RELN: variants seen among roughly 807,000 people sequenced by gnomAD.
RELN encodes the protein reelin.
RELN carries 108 observed loss-of-function variants against 427.6 expected under a neutral mutation model. That is an observed-to-expected ratio of 0.25 (90% CI 0.22 to 0.30). RELN has a LOEUF of 0.30. Among genes scored for constraint, RELN ranks in the 10% least tolerant of loss-of-function variants. The pLI, the probability that RELN is intolerant of heterozygous loss-of-function variation, is 1.00. For missense variants in RELN, 3,715 were observed against 4,302.8 expected, an observed-to-expected ratio of 0.86 and a Z score of 3.82; for synonymous variants, 1,524 against 1,513.4, an observed-to-expected ratio of 1.01 and a Z score of -0.16.
At chr7:103,755,470 T>A (rs943092319) in intron 4 of RELN, among the ~76,000 whole-genome samples, 6 of 151,786 alleles carry the variant, frequency 4.0e-5, no homozygotes, top group Non-Finnish European at 8.8e-5. Flanking sequence ...TAGCCGGGCG[T>A]GGTGGCGGTC....
chr7:103,932,729 G>A (rs1486996116), intron 1 of RELN, among the ~76,000 whole-genome samples: 2 of 152,130 alleles, frequency 1.3e-5, no homozygotes, highest in African/African-American at 4.8e-5. Flanking sequence ...CTACCAAAGT[G>A]GGCAACTGAA....
chr7:103,796,875 C>CAAAAAAAAA (rs1310087423), intron 3 of RELN, among the ~76,000 whole-genome samples: 16 of 66,828 alleles, frequency 2.4e-4, no homozygotes, highest in South Asian at 6.7e-4. Flanking sequence ...CTCCATCTCA[C>CAAAAAAAAA]AAAAAAAAAA....
At chr7:103,905,292 T>C (rs1294570130) in intron 2 of RELN, among the ~76,000 whole-genome samples, 2 of 152,150 alleles carry the variant, frequency 1.3e-5, no homozygotes, top group Non-Finnish European at 2.9e-5. Context: ...ATTTTCTTAA[T>C]TCTATAGAAG....
At chr7:103,542,992 A>C in intron 42 of RELN, 114 bp from the exon 43 acceptor site, 3 of 1,081,816 alleles carry the variant, frequency 2.8e-6, no homozygotes, top group Non-Finnish European at 4.1e-6. Flanking sequence ...TGAAGTCATA[A>C]ATATTAAAGT....
At chr7:103,944,758 T>C (rs1796185116) in intron 1 of RELN, among the ~76,000 whole-genome samples, 1 of 152,138 alleles carries the variant, frequency 6.6e-6, no homozygotes, top group South Asian at 2.1e-4. Context: ...CTTCAGCCAC[T>C]CACCCCTGGT....
intron 64 of RELN, among the ~76,000 whole-genome samples, chr7:103,476,350 C>T (rs1031335772): frequency 1.6e-4 from 24 of 152,018 alleles, no homozygotes; most frequent in African/African-American, 4.3e-4. Flanking sequence ...CATGGTGGTA[C>T]GCGCCTGTAG....
At chr7:103,780,518 ATTAG>A (rs1296956208) in intron 3 of RELN, among the ~76,000 whole-genome samples, 1 of 152,132 alleles carries the variant, frequency 6.6e-6, no homozygotes, top group Non-Finnish European at 1.5e-5. Context: ...CCTAGTACAC[ATTAG>A]TTATTTTTCC....
chr7:103,659,997 C>T (rs980823905), intron 12 of RELN, among the ~76,000 whole-genome samples: 1 of 152,008 alleles, frequency 6.6e-6, no homozygotes, highest in Non-Finnish European at 1.5e-5. Context: ...CATAGTAATA[C>T]TGTTTTAATT....
chr7:103,915,811 T>C (rs1414392482), intron 2 of RELN, among the ~76,000 whole-genome samples: 1 of 152,212 alleles, frequency 6.6e-6, no homozygotes, highest in Non-Finnish European at 1.5e-5. Context: ...CTGACAACTC[T>C]ACTTATGAAT....
intron 1 of RELN, among the ~76,000 whole-genome samples, chr7:103,918,855 G>C (rs1004160052): frequency 1.3e-5 from 2 of 152,134 alleles, no homozygotes; most frequent in Admixed American, 6.6e-5. Context: ...GATCAATGCA[G>C]AGAGAAACTG....
chr7:103,496,003 C>T (rs946817694), intron 56 of RELN, 105 bp from the exon 57 acceptor site: 47 of 1,237,120 alleles, frequency 3.8e-5, no homozygotes, highest in Non-Finnish European at 4.0e-5. Flanking sequence ...TTGTTGAATT[C>T]CTTAAATTTT....
At chr7:103,492,157 T>G in intron 57 of RELN, 131 bp from the exon 58 acceptor site, 1 of 736,578 alleles carries the variant, frequency 1.4e-6, no homozygotes, top group Non-Finnish European at 2.4e-6. Flanking sequence ...AGCAGCCTGC[T>G]GGGATACCAA....
intron 22 of RELN, among the ~76,000 whole-genome samples, chr7:103,606,983 A>C (rs1401877550): frequency 6.6e-6 from 1 of 151,578 alleles, no homozygotes; most frequent in African/African-American, 2.4e-5. Context: ...TTCCAGTTTC[A>C]TCCATGTCCC....
chr7:103,700,971 T>C lies in RELN; in HGVS notation c.841A>G (p.Ser281Gly). The change falls in exon 9 of 65, where the codon AGC becomes GGC. Residue 281 changes from serine to glycine, a missense_variant. Ser to Gly is a moderately conservative substitution (Grantham distance 56). Coordinates refer to ENST00000428762, the MANE Select transcript of RELN (RefSeq NM_005045.4). ...TTCTTGGCATATAACACGATGATGC[T>C]GGGGTCTGAATAACTAAAGCGACAT... ...GSCRFSYSDP[S>G]IIVLYAKNNS... 2 of 1,612,602 alleles carry C rather than the reference T, an allele frequency of 1.2e-6. No individual in the cohort carries two copies. The highest frequency in any genetic ancestry group is 8.5e-7 in the Non-Finnish European group (1 of 1,178,702).
chr7:103,757,547 G>T (rs1791190933), intron 4 of RELN, among the ~76,000 whole-genome samples: 1 of 152,178 alleles, frequency 6.6e-6, no homozygotes, highest in African/African-American at 2.4e-5. Context: ...AAACTAGGGA[G>T]TTTTGGTTTC....
Position 103,697,852 on chromosome 7 carries a change from C to A in RELN, c.1143+1G>T. 2 of 1,613,550 alleles carry A rather than the reference C, an allele frequency of 1.2e-6. No homozygotes were observed. The highest frequency in any genetic ancestry group is 1.7e-6 in the Non-Finnish European group (2 of 1,179,694). On this transcript the variant is annotated splice_donor_variant, in intron 10 of 64. Coordinates refer to ENST00000428762, the MANE Select transcript of RELN (RefSeq NM_005045.4). LOFTEE classifies it high-confidence loss of function. ...ACCCAAAAACTAAAAAGAGCTCTAA[C>A]CTTAACTGTAGCTCCTGGGAAGAAA...
intron 10 of RELN, among the ~76,000 whole-genome samples, chr7:103,688,299 C>T (rs1165004853): frequency 1.3e-5 from 2 of 152,154 alleles, no homozygotes; most frequent in African/African-American, 4.8e-5. Context: ...TCAAGTTACA[C>T]ACTAGATAGT....
chr7:103,616,766 C>T (rs1832089959), intron 20 of RELN, among the ~76,000 whole-genome samples: 1 of 151,976 alleles, frequency 6.6e-6, no homozygotes, highest in Admixed American at 6.6e-5. Context: ...TATGGTGAGA[C>T]ATTTTGATTT....
In RELN at chr7:103,915,205, C is replaced by A. The variant is rs143303067; in HGVS notation, c.337+1870G>T. On this transcript the variant is annotated intron_variant, in intron 2 of 64. Coordinates refer to ENST00000428762, the MANE Select transcript of RELN (RefSeq NM_005045.4). Reference sequence around the variant, plus strand: ...ATGCTGTGCCCCACCATCCACAGACCTTTAGTTAATAATCTCTACTCCTTC... The same window carrying A: ...ATGCTGTGCCCCACCATCCACAGACATTTAGTTAATAATCTCTACTCCTTC... 2.2e-3 allele frequency among the ~76,000 whole-genome samples: 331 copies of A among 152,162 alleles called. 1 individual carries two copies. Among genetic ancestry groups the A allele is most frequent in the African/African-American group, 7.5e-3 (312 of 41,530 alleles).
Sources: gnomAD v4.1 joint callset for allele counts (sites outside exome capture counted in the v4.1 genomes callset) on GRCh38, gnomAD v4.1.1 for gene constraint, MANE v1.5 for transcripts, NCBI Gene and HGNC (gene_info 2026-07-23, HGNC 2026-07-21) for gene names.